Variants in LPIN1 observed in about 807,000 individuals in gnomAD.
The protein encoded by LPIN1 is lipin 1.
Under a neutral mutation model 107.5 loss-of-function variants are expected in LPIN1, and 71 were observed. That is an observed-to-expected ratio of 0.66 (90% confidence interval 0.55 to 0.80). The LOEUF is 0.80. Ranked by LOEUF, LPIN1 falls within the 30% of genes least tolerant of loss-of-function variation. The probability of loss-of-function intolerance (pLI) is 0.00; values close to 1 mark genes in which losing one functional copy is unlikely to be tolerated. For synonymous variants in LPIN1, 445 were observed against 452.6 expected (o/e 0.98, Z 0.21); for missense variants, 1,043 against 1,160.6 (o/e 0.90, Z 1.47).
intron 18 of LPIN1, chr2:11,819,186 A>T (rs772427092): frequency 4.4e-5 from 16 of 360,814 alleles, no homozygotes; most frequent in Non-Finnish European, 8.2e-5. Context: ...GCCTCATCGA[A>T]TTAATTTGGA....
chr2:11,758,805 C>T (rs6726960), intron 1 of LPIN1, among the ~76,000 whole-genome samples: 47,850 of 152,150 alleles, frequency 0.31, 10,564 homozygotes, highest in African/African-American at 0.63. Flanking sequence ...ACAGAAGAAA[C>T]TGTAGTCTTG....
intron 11 of LPIN1, 42 bp downstream of exon 11, chr2:11,787,209 T>TGCCAAA: frequency 2.3e-6 from 3 of 1,287,108 alleles, no homozygotes; most frequent in Non-Finnish European, 2.3e-6. Flanking sequence ...AGCATGATAC[T>TGCCAAA]GTTTCTGTTT....
At chr2:11,802,240 A>G (rs73915575) in intron 14 of LPIN1, among the ~76,000 whole-genome samples, 3,746 of 152,308 alleles carry the variant, frequency 0.025, 154 homozygotes, top group African/African-American at 0.086. Flanking sequence ...TATGTGAGCT[A>G]TTTAAAGAAA....
chr2:11,823,949 C>T (rs560481001), intron 20 of LPIN1, among the ~76,000 whole-genome samples: 6 of 152,186 alleles, frequency 3.9e-5, no homozygotes, highest in South Asian at 2.1e-4. Flanking sequence ...GTCTCTTGAC[C>T]GTCATGCCAA....
chr2:11,775,935 A>G (rs1572746013), intron 5 of LPIN1, 151 bp from the exon 6 acceptor site: 1 of 200,796 alleles, frequency 5.0e-6, no homozygotes, highest in Non-Finnish European at 9.9e-6. Context: ...AATCTTATAT[A>G]TAGTCTTTAA....
chr2:11,737,447 A>G (rs1665897761), intron 1 of LPIN1, among the ~76,000 whole-genome samples: 2 of 152,240 alleles, frequency 1.3e-5, no homozygotes, highest in South Asian at 4.1e-4. Context: ...GTGAACAGGC[A>G]ACCTACAGAA....
At chr2:11,730,986 G>T (rs1665135120) in intron 1 of LPIN1, among the ~76,000 whole-genome samples, 1 of 152,186 alleles carries the variant, frequency 6.6e-6, no homozygotes, top group African/African-American at 2.4e-5. Flanking sequence ...GCAGCGGTAG[G>T]CAGGCACCCT....
In LPIN1 at chr2:11,765,372, C is replaced by T. The variant is rs73917123; in HGVS notation, c.-9-161C>T. 0.04 allele frequency among the ~76,000 whole-genome samples: 6,121 copies of T among 152,262 alleles called. 407 individuals carry two copies. Among genetic ancestry groups the T allele is most frequent in the African/African-American group, 0.14 (5,743 of 41,538 alleles). On this transcript the variant is annotated intron_variant, in intron 1 of 20. Transcript: ENST00000674199. The surrounding 1 kb of genome is among the most constrained non-coding windows in gnomAD (Gnocchi z 4.4). ...GGGCCCTGATGGGCCCTGATGGACC[C>T]TGATGGGCTATGGGGGTGGATAGAA...
At chr2:11,779,675 C>A (rs1673246728) in intron 7 of LPIN1, 30 bp downstream of exon 7, 1 of 1,612,734 alleles carries the variant, frequency 6.2e-7, no homozygotes, top group East Asian at 2.2e-5. Flanking sequence ...TGCCACGGAC[C>A]GAAGATTTCT....
chr2:11,715,885 T>A (rs1663701918), intron 2 of LPIN1, among the ~76,000 whole-genome samples: 1 of 151,992 alleles, frequency 6.6e-6, no homozygotes, highest in Non-Finnish European at 1.5e-5. Flanking sequence ...ATCCTACAGG[T>A]AATGGTATAC....
intron 1 of LPIN1, among the ~76,000 whole-genome samples, chr2:11,713,572 C>T (rs1437615665): frequency 6.6e-6 from 1 of 152,166 alleles, no homozygotes. Flanking sequence ...TGCCCGGTCA[C>T]ACATTCTTCT....
At chr2:11,793,204 G>A (rs538093042) in intron 13 of LPIN1, among the ~76,000 whole-genome samples, 1 of 152,258 alleles carries the variant, frequency 6.6e-6, no homozygotes, top group East Asian at 1.9e-4. Flanking sequence ...CTGTCCATCT[G>A]TGGGTGAGAT....
At chr2:11,758,293 A>G (rs1022312840) in intron 1 of LPIN1, among the ~76,000 whole-genome samples, 2 of 152,134 alleles carry the variant, frequency 1.3e-5, no homozygotes, top group Non-Finnish European at 2.9e-5. Context: ...CGGGACTGGA[A>G]TGGCTGGATC....
At chr2:11,741,062 C>G (rs563696271) in intron 1 of LPIN1, 1 of 256,398 alleles carries the variant, frequency 3.9e-6, no homozygotes, top group South Asian at 1.5e-4. Flanking sequence ...AGATCTTCCT[C>G]AAGCCACGGA....
chr2:11,783,925 A>T lies in LPIN1; in HGVS notation c.1358+3A>T. The stretch of plus-strand genomic sequence containing the variant: ...GCGGCCCTGTATTTTCCCAAAAAGT[A>T]AAATTCCTGTTAATTCCTCACATCA... On this transcript the variant is annotated splice_donor_region_variant and intron_variant, in intron 9 of 20. Coordinates refer to ENST00000674199, the MANE Select transcript of LPIN1 (RefSeq NM_001349206.2). 6.2e-7 allele frequency: 1 copy of T among 1,614,028 alleles called. No individual in the cohort carries two copies. The highest frequency in any genetic ancestry group is 8.5e-7 in the Non-Finnish European group (1 of 1,179,890).
chr2:11,694,695 G>A (rs7606378), intron 1 of LPIN1, among the ~76,000 whole-genome samples: 19,902 of 152,180 alleles, frequency 0.13, 3,856 homozygotes, highest in African/African-American at 0.43. Flanking sequence ...TGATAGGCAT[G>A]GCTAAGTTTT....
At chr2:11,734,132 T>C (rs754519749) in intron 1 of LPIN1, among the ~76,000 whole-genome samples, 1 of 152,228 alleles carries the variant, frequency 6.6e-6, no homozygotes, top group Non-Finnish European at 1.5e-5. Flanking sequence ...GAGACCTTCA[T>C]TCACATTGCA....
intron 1 of LPIN1, among the ~76,000 whole-genome samples, chr2:11,691,169 G>C (rs1016296296): frequency 6.9e-5 from 10 of 144,820 alleles, no homozygotes; most frequent in Admixed American, 1.4e-4. Context: ...TGGGTGATTT[G>C]AGGGTCCACC....
At chr2:11,759,132 C>T (rs911625558) in intron 1 of LPIN1, among the ~76,000 whole-genome samples, 15 of 121,436 alleles carry the variant, frequency 1.2e-4, no homozygotes, top group South Asian at 2.6e-4. Flanking sequence ...TGCTTTCTTT[C>T]TTTTCTTTCT....
Sources: allele counts gnomAD v4.1 joint callset (sites outside exome capture counted in the v4.1 genomes callset), GRCh38; gene constraint gnomAD v4.1.1; non-coding constraint Gnocchi (gnomAD v3.1); transcripts MANE v1.5; gene names NCBI Gene and HGNC (gene_info 2026-07-23, HGNC 2026-07-21).